The following CNTN5 variants were observed in gnomAD, a reference collection of about 807,000 sequenced individuals.
The protein encoded by CNTN5 is contactin-5.
A neutral mutation model predicts 129.1 loss-of-function variants in CNTN5; 77 were observed. That is an observed-to-expected ratio of 0.60 (90% confidence interval 0.50 to 0.72). The LOEUF is 0.72. Ranked by LOEUF, CNTN5 falls within the 30% of genes least tolerant of loss-of-function variation. The probability of loss-of-function intolerance (pLI) is 0.00; values close to 1 mark genes in which losing one functional copy is unlikely to be tolerated. For missense variants in CNTN5, 1,478 were observed against 1,328.8 expected (o/e 1.11, Z -1.75); for synonymous variants, 509 against 465.6 (o/e 1.09, Z -1.20).
chr11:99,111,055 A>G (rs1459390420), intron 1 of CNTN5, among the ~76,000 whole-genome samples: 1 of 152,150 alleles, frequency 6.6e-6, no homozygotes, highest in East Asian at 1.9e-4. Flanking sequence ...GATAGTATGA[A>G]TGAAATTTAA....
chr11:100,010,433 T>C (rs1465878923), intron 9 of CNTN5, among the ~76,000 whole-genome samples: 1 of 151,938 alleles, frequency 6.6e-6, no homozygotes, highest in Non-Finnish European at 1.5e-5. Context: ...CTCCTGAAAG[T>C]GTTGGGAAAA....
rs71046664 is a variant in CNTN5, at chr11:99,131,249, GAA to G, written c.-210+109993_-210+109994del. Among the ~76,000 whole-genome samples, 7 of 67,190 alleles carry G rather than the reference GAA, an allele frequency of 1.0e-4. No individual in the cohort carries two copies. The East Asian group carries it at 2.9e-3, about 28-fold the overall frequency. 44.1% of individuals were successfully genotyped at this position (67,190 alleles called of 152,430 possible). A position where few individuals can be genotyped will look rare whatever the true frequency, so the allele number is the denominator to read the frequency against. On this transcript the variant is annotated intron_variant, in intron 1 of 24. Transcript: ENST00000524871. Reference sequence around the variant, plus strand: ...GGTGACAGAGTGAGACTCCATCTCAGAAAAAAAAAAAAAAAGAAAAATTTATA... The same window carrying G: ...GGTGACAGAGTGAGACTCCATCTCAGAAAAAAAAAAAAAGAAAAATTTATA...
At chr11:100,025,358 C>T (rs1407085673) in intron 9 of CNTN5, among the ~76,000 whole-genome samples, 1 of 152,222 alleles carries the variant, frequency 6.6e-6, no homozygotes, top group Non-Finnish European at 1.5e-5. Flanking sequence ...CCTAGATGTC[C>T]AGGCAGAGGT....
chr11:100,214,484 C>T (rs1949100014), intron 15 of CNTN5, among the ~76,000 whole-genome samples: 1 of 152,194 alleles, frequency 6.6e-6, no homozygotes, highest in Non-Finnish European at 1.5e-5. Flanking sequence ...AATCTCCTTA[C>T]ATAAACCCAA....
intron 3 of CNTN5, among the ~76,000 whole-genome samples, chr11:99,797,208 A>G (rs1233985010): frequency 1.3e-5 from 2 of 152,142 alleles, no homozygotes; most frequent in Non-Finnish European, 2.9e-5. Context: ...TACTGTGATG[A>G]ACATAGGAGT....
At position 99,823,063 on chromosome 11, in the gene CNTN5, G is replaced by A. The variant is rs566477307; in HGVS notation, c.277+3298G>A. Among the ~76,000 whole-genome samples the A allele has an allele frequency of 2.2e-4, 34 of 152,308 alleles. 1 individual carries two copies. The highest frequency in any genetic ancestry group is 3.4e-3 in the Middle Eastern group (1 of 294). On this transcript the variant is annotated intron_variant, in intron 4 of 24. Transcript: ENST00000524871. ...GAATTTGAATCCTATGAGTAGTCAC[G>A]TGAGTGAGTTTACACGTGTATCCGT... is the stretch of plus-strand genomic sequence containing the variant.
At chr11:99,873,452 G>A (rs1466393242) in intron 6 of CNTN5, among the ~76,000 whole-genome samples, 1 of 151,972 alleles carries the variant, frequency 6.6e-6, no homozygotes, top group Non-Finnish European at 1.5e-5. Flanking sequence ...GCAGCCAACC[G>A]ATAATAAAAT....
intron 2 of CNTN5, among the ~76,000 whole-genome samples, chr11:99,511,998 A>G (rs1470812984): frequency 6.6e-6 from 1 of 152,122 alleles, no homozygotes; most frequent in Non-Finnish European, 1.5e-5. Context: ...GCTAAGGCTA[A>G]TTTATTGAAG....
At chr11:99,167,495 T>C (rs1860927501) in intron 1 of CNTN5, among the ~76,000 whole-genome samples, 3 of 152,186 alleles carry the variant, frequency 2.0e-5, no homozygotes, top group Admixed American at 2.0e-4. Flanking sequence ...ACAGAATATA[T>C]CATTTTATTA....
intron 17 of CNTN5, among the ~76,000 whole-genome samples, chr11:100,258,334 G>A (rs1950121458): frequency 6.6e-6 from 1 of 152,116 alleles, no homozygotes; most frequent in Non-Finnish European, 1.5e-5. Context: ...AAAGTGACAG[G>A]GAGATGGGAA....
chr11:99,759,628 G>A (rs531029743), intron 3 of CNTN5, among the ~76,000 whole-genome samples: 68 of 147,362 alleles, frequency 4.6e-4, no homozygotes, highest in African/African-American at 1.6e-3. Context: ...CAGATCTAGG[G>A]TCAGATGACG....
intron 8 of CNTN5, among the ~76,000 whole-genome samples, chr11:99,977,348 C>T (rs1938049782): frequency 6.6e-6 from 1 of 152,170 alleles, no homozygotes; most frequent in African/African-American, 2.4e-5. Flanking sequence ...CAACATCTGC[C>T]CATTACTCAG....
At chr11:100,178,893 A>C (rs575925825) in intron 13 of CNTN5, among the ~76,000 whole-genome samples, 42 of 152,270 alleles carry the variant, frequency 2.8e-4, no homozygotes, top group African/African-American at 9.9e-4. Context: ...CAAAGATTCA[A>C]CGTCACTTGC....
intron 3 of CNTN5, among the ~76,000 whole-genome samples, chr11:99,687,984 T>G (rs560236914): frequency 2.6e-4 from 40 of 152,312 alleles, no homozygotes; most frequent in African/African-American, 8.9e-4. Flanking sequence ...AATCCTCTGA[T>G]TAGTTATTTT....
chr11:99,656,119 T>A (rs1382012173), intron 3 of CNTN5, among the ~76,000 whole-genome samples: 1 of 152,050 alleles, frequency 6.6e-6, no homozygotes, highest in Non-Finnish European at 1.5e-5. Context: ...AAATGGAGTA[T>A]TAAAAGCCCA....
chr11:100,254,714 A>T (rs1950033231), intron 16 of CNTN5, among the ~76,000 whole-genome samples: 1 of 152,160 alleles, frequency 6.6e-6, no homozygotes, highest in Non-Finnish European at 1.5e-5. Flanking sequence ...CAACTCCTCC[A>T]TCTGTTCAGC....
chr11:100,128,464 C>T (rs12271295), intron 13 of CNTN5, among the ~76,000 whole-genome samples: 19,482 of 152,116 alleles, frequency 0.13, 1,299 homozygotes, highest in East Asian at 0.18. Flanking sequence ...TGTCACTTTA[C>T]ATGGCAAAGT....
In CNTN5 at chr11:99,090,805, G is replaced by T. The variant is rs545128960; in HGVS notation, c.-210+69535G>T. Reference sequence around the variant, plus strand: ...TGGGAGACCGAGGCGGGCGGATCACGAGGTCAGGAGATGGAGACCATCCTG... The same window carrying T: ...TGGGAGACCGAGGCGGGCGGATCACTAGGTCAGGAGATGGAGACCATCCTG... On this transcript the variant is annotated intron_variant, in intron 1 of 24. Coordinates refer to ENST00000524871, the MANE Select transcript of CNTN5 (RefSeq NM_014361.4). 6.0e-5 allele frequency among the ~76,000 whole-genome samples: 9 copies of T among 150,794 alleles called. No homozygotes were observed. The South Asian group carries it at 6.3e-4, about 11-fold the overall frequency.
chr11:100,084,140 A>G, intron 13 of CNTN5, among the ~76,000 whole-genome samples: 1 of 152,172 alleles, frequency 6.6e-6, no homozygotes, highest in South Asian at 2.1e-4. Flanking sequence ...CAGTTACTAT[A>G]AATTGCTTCA....
Sources: gnomAD v4.1 joint callset for allele counts (sites outside exome capture counted in the v4.1 genomes callset) on GRCh38, gnomAD v4.1.1 for gene constraint, MANE v1.5 for transcripts, NCBI Gene and HGNC (gene_info 2026-07-23, HGNC 2026-07-21) for gene names.